Variants in STX8 observed in about 807,000 individuals in gnomAD.
The protein encoded by STX8 is syntaxin 8.
Under a neutral mutation model 37.5 loss-of-function variants are expected in STX8, and 23 were observed. That is an observed-to-expected ratio of 0.61 (90% CI 0.44 to 0.87). STX8 has a LOEUF of 0.87. Ranked by LOEUF, STX8 falls within the 40% of genes least tolerant of loss-of-function variation. The pLI, the probability that STX8 is intolerant of heterozygous loss-of-function variation, is 0.00. For synonymous variants in STX8, 115 were observed against 99.1 expected, an observed-to-expected ratio of 1.16 and a Z score of -0.95; for missense variants, 313 against 284.7, an observed-to-expected ratio of 1.10 and a Z score of -0.71.
chr17:9,356,960 G>GTT (rs140965935), intron 7 of STX8, among the ~76,000 whole-genome samples: 808 of 61,740 alleles, frequency 0.013, 55 homozygotes, highest in African/African-American at 0.038. Context: ...CCTTTTAACA[G>GTT]TTTTTTTTTT....
intron 6 of STX8, among the ~76,000 whole-genome samples, chr17:9,379,169 C>T (rs992393592): frequency 4.0e-5 from 6 of 149,516 alleles, no homozygotes; most frequent in East Asian, 2.0e-4. Flanking sequence ...CGCTTGAACC[C>T]GGGAGGCAGA....
intron 6 of STX8, among the ~76,000 whole-genome samples, chr17:9,471,029 T>G (rs548534821): frequency 1.6e-3 from 198 of 123,220 alleles, no homozygotes; most frequent in Non-Finnish European, 2.7e-3. Context: ...CACTGCATCC[T>G]GCTTTTTTTT....
At chr17:9,296,285 G>T (rs1173904026) in intron 7 of STX8, among the ~76,000 whole-genome samples, 1 of 151,618 alleles carries the variant, frequency 6.6e-6, no homozygotes, top group South Asian at 2.1e-4. Context: ...GGCAGAGCTT[G>T]CAGTGAGCTG....
chr17:9,399,634 G>A (rs551006734), intron 6 of STX8, among the ~76,000 whole-genome samples: 3 of 152,244 alleles, frequency 2.0e-5, no homozygotes, highest in African/African-American at 4.8e-5. Flanking sequence ...GGGAGGCCGA[G>A]GCAGGCAGAT....
chr17:9,433,215 TG>T (rs1233488125), intron 6 of STX8, among the ~76,000 whole-genome samples: 19 of 152,376 alleles, frequency 1.2e-4, no homozygotes, highest in African/African-American at 4.3e-4. Context: ...GGCATACGCC[TG>T]GACCCCAGGC....
intron 6 of STX8, among the ~76,000 whole-genome samples, chr17:9,383,567 A>G (rs1911889522): frequency 6.6e-6 from 1 of 152,234 alleles, no homozygotes; most frequent in South Asian, 2.1e-4. Flanking sequence ...GATCAGGAAC[A>G]AGGCTATGAC....
chr17:9,551,863 C>T (rs560759397), intron 3 of STX8, among the ~76,000 whole-genome samples: 12 of 151,254 alleles, frequency 7.9e-5, no homozygotes, highest in South Asian at 4.2e-4. Context: ...ATTCAGGTTT[C>T]GTGGACCAGT....
chr17:9,427,938 C>T lies in STX8; in HGVS notation c.542-49285G>A, dbSNP rs867642349. ...TCCTGCTCCTCTGGCCAAAGAAAAA[C>T]TGCTTCTGGATCAATCTAACCTCCA... On this transcript the variant is annotated intron_variant, in intron 6 of 7. Coordinates refer to ENST00000306357, the MANE Select transcript of STX8 (RefSeq NM_004853.3). Among the ~76,000 whole-genome samples, 6 of 152,292 alleles carry T rather than the reference C, an allele frequency of 3.9e-5. No individual in the cohort carries two copies. In the Middle Eastern group the frequency reaches 0.01, roughly 259 times the overall value.
chr17:9,319,192 GGC>G (rs1909483677), intron 7 of STX8, among the ~76,000 whole-genome samples: 1 of 152,148 alleles, frequency 6.6e-6, no homozygotes, highest in Non-Finnish European at 1.5e-5. Flanking sequence ...GGCCGAGGCG[GGC>G]GGATCACAAG....
intron 6 of STX8, among the ~76,000 whole-genome samples, chr17:9,420,805 T>C (rs867667526): frequency 7.9e-5 from 12 of 152,326 alleles, no homozygotes; most frequent in South Asian, 2.1e-4. Flanking sequence ...CTTCCGTCTA[T>C]TGATGAGAGT....
At chr17:9,311,771 A>G (rs1196238586) in intron 7 of STX8, among the ~76,000 whole-genome samples, 1 of 152,202 alleles carries the variant, frequency 6.6e-6, no homozygotes, top group Non-Finnish European at 1.5e-5. Flanking sequence ...GATTCAATGA[A>G]ATAATACATC....
intron 7 of STX8, among the ~76,000 whole-genome samples, chr17:9,373,741 A>G (rs1911489828): frequency 6.6e-6 from 1 of 152,098 alleles, no homozygotes; most frequent in Non-Finnish European, 1.5e-5. Flanking sequence ...GGAGTTTGAG[A>G]CCAGCCTGAT....
At chr17:9,439,186 T>C (rs1157695034) in intron 6 of STX8, among the ~76,000 whole-genome samples, 1 of 152,164 alleles carries the variant, frequency 6.6e-6, no homozygotes, top group Non-Finnish European at 1.5e-5. Context: ...TCACATGATA[T>C]CATTTGCTGG....
At chr17:9,493,345 T>G (rs1906940352) in intron 5 of STX8, among the ~76,000 whole-genome samples, 1 of 152,178 alleles carries the variant, frequency 6.6e-6, no homozygotes, top group African/African-American at 2.4e-5. Flanking sequence ...TGTCAGAGTT[T>G]TTGCTTCCTG....
At chr17:9,355,557 C>T (rs1456389558) in intron 7 of STX8, among the ~76,000 whole-genome samples, 1 of 148,354 alleles carries the variant, frequency 6.7e-6, no homozygotes, top group African/African-American at 2.5e-5. Context: ...GGCTGGAGTG[C>T]AATGGCGCAA....
chr17:9,428,207 T>A (rs944821281), intron 6 of STX8, among the ~76,000 whole-genome samples: 1 of 152,198 alleles, frequency 6.6e-6, no homozygotes, highest in African/African-American at 2.4e-5. Flanking sequence ...GGCAAGTCTT[T>A]TGTATTCTAC....
intron 7 of STX8, among the ~76,000 whole-genome samples, chr17:9,375,588 T>C (rs1597632330): frequency 6.6e-6 from 1 of 152,188 alleles, no homozygotes; most frequent in South Asian, 2.1e-4. Flanking sequence ...AGACATATAG[T>C]AACGAGAGCT....
chr17:9,561,664 C>CAAAAAAAAA (rs11353116), intron 2 of STX8, among the ~76,000 whole-genome samples: 18 of 66,666 alleles, frequency 2.7e-4, no homozygotes, highest in Non-Finnish European at 3.9e-4. Context: ...TCCATCTGGC[C>CAAAAAAAAA]AAAAAAAAAA....
At chr17:9,291,256 G>A (rs1908301879) in intron 7 of STX8, among the ~76,000 whole-genome samples, 1 of 151,998 alleles carries the variant, frequency 6.6e-6, no homozygotes, top group African/African-American at 2.4e-5. Context: ...ACTAACCTGG[G>A]CAACATGGTG....
Sources: allele counts gnomAD v4.1 joint callset (sites outside exome capture counted in the v4.1 genomes callset), GRCh38; gene constraint gnomAD v4.1.1; transcripts MANE v1.5; gene names NCBI Gene and HGNC (gene_info 2026-07-23, HGNC 2026-07-21).